Variants in NTM observed in about 807,000 individuals in gnomAD.
NTM encodes the protein IgLON family member 2.
In NTM, 13 loss-of-function variants were observed where a neutral mutation model predicts 42.1. The ratio of observed to expected loss-of-function variants is 0.31; its 90% CI spans 0.20 to 0.49. The LOEUF is 0.49. Ranked by LOEUF, NTM falls within the 20% of genes least tolerant of loss-of-function variation. NTM has a pLI of 0.99. For missense variants in NTM, 373 were observed against 452.8 expected (o/e 0.82, Z 1.60); for synonymous variants, 187 against 179.2 (o/e 1.04, Z -0.35).
intron 1 of NTM, chr11:131,771,414 T>C (rs2086078313): frequency 6.6e-6 from 1 of 152,220 alleles, no homozygotes. Context: ...TTGTGGCTAA[T>C]ACCACAATCT....
In NTM at chr11:131,937,288, G is replaced by T. The variant is rs944615486; in HGVS notation, c.167+25640G>T. Reference sequence around the variant, plus strand: ...CTGTTATTGGAGTCATACTTTAGTTGAATTAGTAATTTATTCTAGCTCTTA... The same window carrying T: ...CTGTTATTGGAGTCATACTTTAGTTTAATTAGTAATTTATTCTAGCTCTTA... On this transcript the variant is annotated intron_variant, in intron 2 of 8. Coordinates refer to ENST00000683400, the MANE Select transcript of NTM (RefSeq NM_001352005.2). 9.9e-5 allele frequency among the ~76,000 whole-genome samples: 15 copies of T among 152,272 alleles called. No homozygotes were observed. In the East Asian group the frequency reaches 2.9e-3, roughly 29 times the overall value.
rs55685334 is a variant in NTM at position 131,756,102 on chromosome 11, C to G, written c.83-155462C>G. ...GGCTCCTGGGTTGCATCTGAGCTATCACCATCAATACCCCACACTCTCATT... is the reference window on the plus strand; with the variant it reads ...GGCTCCTGGGTTGCATCTGAGCTATGACCATCAATACCCCACACTCTCATT... On this transcript the variant is annotated intron_variant, in intron 1 of 8. Coordinates refer to ENST00000683400, the MANE Select transcript of NTM (RefSeq NM_001352005.2). 8.3e-3 allele frequency among the ~76,000 whole-genome samples: 1,268 copies of G among 152,314 alleles called. 8 individuals are homozygous for G. The highest frequency in any genetic ancestry group is 0.013 in the Non-Finnish European group (852 of 68,028).
At chr11:131,690,265 T>C (rs1456084518) in intron 1 of NTM, among the ~76,000 whole-genome samples, 1 of 152,134 alleles carries the variant, frequency 6.6e-6, no homozygotes, top group East Asian at 1.9e-4. Context: ...ATTAGGAATA[T>C]GAACAAAACT....
At chr11:131,628,642 GCTCT>G (rs949426504) in intron 1 of NTM, among the ~76,000 whole-genome samples, 34 of 152,142 alleles carry the variant, frequency 2.2e-4, no homozygotes, top group African/African-American at 7.5e-4. Flanking sequence ...TAATTATCTT[GCTCT>G]CTAAGAAAAT....
intron 3 of NTM, among the ~76,000 whole-genome samples, chr11:132,176,484 C>T (rs1055449817): frequency 6.6e-5 from 10 of 151,986 alleles, no homozygotes; most frequent in South Asian, 2.1e-4. Flanking sequence ...ATTGTCACAT[C>T]TTGTCATTTG....
At chr11:132,076,176 A>G (rs1040409835) in intron 2 of NTM, among the ~76,000 whole-genome samples, 4 of 152,140 alleles carry the variant, frequency 2.6e-5, no homozygotes, top group African/African-American at 9.7e-5. Flanking sequence ...TATAGCTTCT[A>G]CTTGATTCTT....
intron 1 of NTM, among the ~76,000 whole-genome samples, chr11:131,557,616 T>TA (rs1422589639): frequency 1.3e-5 from 2 of 152,234 alleles, no homozygotes; most frequent in Non-Finnish European, 2.9e-5. Context: ...GACTATGCTG[T>TA]ATCAACTCTG....
intron 1 of NTM, among the ~76,000 whole-genome samples, chr11:131,786,083 A>G (rs150299228): frequency 6.6e-6 from 1 of 152,332 alleles, no homozygotes; most frequent in African/African-American, 2.4e-5. Context: ...AGGGAGAGCC[A>G]GCATTTTCTT....
chr11:131,696,423 C>T (rs1343990100), intron 1 of NTM, among the ~76,000 whole-genome samples: 2 of 152,220 alleles, frequency 1.3e-5, no homozygotes, highest in Admixed American at 6.5e-5. Context: ...AAGAGGAAGA[C>T]ATATCAAGTT....
chr11:131,569,276 C>G (rs1281617167), intron 1 of NTM, among the ~76,000 whole-genome samples: 1 of 151,978 alleles, frequency 6.6e-6, no homozygotes, highest in Non-Finnish European at 1.5e-5. Context: ...TCCTGAGTAG[C>G]TGAGATTACA....
chr11:131,579,571 A>G (rs1023426091), intron 1 of NTM, among the ~76,000 whole-genome samples: 1 of 152,208 alleles, frequency 6.6e-6, no homozygotes, highest in African/African-American at 2.4e-5. Flanking sequence ...CTGTGGGGGA[A>G]CCAAAGCCAC....
intron 1 of NTM, among the ~76,000 whole-genome samples, chr11:131,377,044 C>T (rs906423896): frequency 2.9e-4 from 44 of 152,286 alleles, no homozygotes; most frequent in Middle Eastern, 3.4e-3. Context: ...ACAGCAGTAC[C>T]GGAAGCAAGG....
intron 1 of NTM, among the ~76,000 whole-genome samples, chr11:131,412,335 GC>G (rs1946512004): frequency 6.6e-6 from 1 of 152,148 alleles, no homozygotes; most frequent in African/African-American, 2.4e-5. Context: ...ATGTTTTGGG[GC>G]ATTTCAGTTC....
At chr11:132,166,045 G>A (rs1345012436) in intron 3 of NTM, among the ~76,000 whole-genome samples, 1 of 152,014 alleles carries the variant, frequency 6.6e-6, no homozygotes, top group Non-Finnish European at 1.5e-5. Context: ...TTCACCTAAA[G>A]CTCTTTATGG....
chr11:132,091,910 GATGA>G (rs1402068579), intron 2 of NTM, among the ~76,000 whole-genome samples: 4 of 152,112 alleles, frequency 2.6e-5, no homozygotes, highest in Non-Finnish European at 5.9e-5. Flanking sequence ...TGAGAAAACA[GATGA>G]ATAAATAAAT....
chr11:131,889,418 G>C (rs1433719584), intron 1 of NTM, among the ~76,000 whole-genome samples: 1 of 152,188 alleles, frequency 6.6e-6, no homozygotes, highest in Middle Eastern at 3.2e-3. Context: ...TCACGCCTGA[G>C]TGCACAGCAC....
chr11:132,059,637 C>T lies in NTM; in HGVS notation c.168-86645C>T, dbSNP rs531605462. On this transcript the variant is annotated intron_variant, in intron 2 of 8. Transcript: ENST00000683400. Reference sequence around the variant, plus strand: ...ACTCAAGCCAAGCTGATGTCTACCCCAAACCAAACATCCAAGTATGCACTG... The same window carrying T: ...ACTCAAGCCAAGCTGATGTCTACCCTAAACCAAACATCCAAGTATGCACTG... Among the ~76,000 whole-genome samples the T allele has an allele frequency of 1.0e-3, 152 of 152,188 alleles. 9 individuals carry two copies. In the South Asian group the frequency reaches 0.031, roughly 31 times the overall value.
chr11:132,125,369 T>C (rs1351529095), intron 2 of NTM, among the ~76,000 whole-genome samples: 1 of 75,498 alleles, frequency 1.3e-5, no homozygotes, highest in Non-Finnish European at 2.7e-5. Flanking sequence ...TAGTGTATGA[T>C]GTGTGTGTGG....
At chr11:131,706,352 A>T (rs2076590026) in intron 1 of NTM, among the ~76,000 whole-genome samples, 1 of 152,020 alleles carries the variant, frequency 6.6e-6, no homozygotes, top group Non-Finnish European at 1.5e-5. Flanking sequence ...AACAAAACAA[A>T]AAGGAGAAAT....
Sources: gnomAD v4.1 joint callset for allele counts (sites outside exome capture counted in the v4.1 genomes callset) on GRCh38, gnomAD v4.1.1 for gene constraint, MANE v1.5 for transcripts, NCBI Gene and HGNC (gene_info 2026-07-23, HGNC 2026-07-21) for gene names.